The following ZFC3H1 variants were observed in gnomAD, a reference collection of about 807,000 sequenced individuals.
ZFC3H1 encodes zinc finger C3H1-type containing.
Under a neutral mutation model 243.7 loss-of-function variants are expected in ZFC3H1, and 71 were observed. The observed-to-expected ratio is 0.29, with a 90% CI of 0.24 to 0.36. The LOEUF (loss-of-function observed/expected upper bound fraction) is 0.36, where lower values mean the gene tolerates loss of function less well. Among genes scored for constraint, ZFC3H1 ranks in the 10% least tolerant of loss-of-function variants. ZFC3H1 has a pLI of 1.00. For missense variants in ZFC3H1, 1,966 were observed against 2,317.1 expected (o/e 0.85, Z 3.11); for synonymous variants, 838 against 813.0 (o/e 1.03, Z -0.52).
chr12:71,629,192 T>G (rs1880250347), intron 19 of ZFC3H1, among the ~76,000 whole-genome samples, 155 bp from the exon 20 acceptor site: 1 of 151,200 alleles, frequency 6.6e-6, no homozygotes, highest in African/African-American at 2.4e-5. Flanking sequence ...AGTCTCACTC[T>G]GTCACCCAGG....
At chr12:71,611,270 G>T in intron 32 of ZFC3H1, 173 bp from the exon 33 acceptor site, 21 of 447,796 alleles carry the variant, frequency 4.7e-5, no homozygotes, top group East Asian at 1.4e-4. Flanking sequence ...ATAGTGAAAA[G>T]AAAAATTCAA....
intron 6 of ZFC3H1, among the ~76,000 whole-genome samples, chr12:71,640,384 C>T (rs1051322279): frequency 1.3e-5 from 2 of 152,212 alleles, no homozygotes; most frequent in African/African-American, 4.8e-5. Flanking sequence ...ACAGTGTGAG[C>T]ACTGGCCAGA....
intron 18 of ZFC3H1, 89 bp downstream of exon 18, chr12:71,630,511 G>C: frequency 6.8e-7 from 1 of 1,464,244 alleles, no homozygotes; most frequent in Non-Finnish European, 9.2e-7. Context: ...ATTATAGTAA[G>C]TATTTTACAA....
At position 71,623,973 on chromosome 12, in the gene ZFC3H1, T is replaced by A. The variant is rs1050690070; in HGVS notation, c.4506+131A>T. On this transcript the variant is annotated intron_variant, in intron 23 of 34. Transcript: ENST00000378743. Reference sequence around the variant, plus strand: ...ACTTACCCAATGTCACATGACTTACTAGTAAGTGGAAAAACAAGGATTCAA... The same window carrying A: ...ACTTACCCAATGTCACATGACTTACAAGTAAGTGGAAAAACAAGGATTCAA... 3 of 912,362 alleles carry A rather than the reference T, an allele frequency of 3.3e-6. No homozygotes were observed. In the Admixed American group the frequency reaches 7.4e-5, roughly 22 times the overall value. The allele number at this position is 912,362 out of a possible 1,614,324, so 56.5% of individuals were successfully genotyped here. A position where few individuals can be genotyped will look rare whatever the true frequency, so the allele number is the denominator to read the frequency against.
intron 10 of ZFC3H1, among the ~76,000 whole-genome samples, 191 bp downstream of exon 10, chr12:71,635,252 T>A (rs1880430726): frequency 6.6e-6 from 1 of 152,216 alleles, no homozygotes; most frequent in Non-Finnish European, 1.5e-5. Flanking sequence ...TGGAAACTTT[T>A]AATAGTAAAA....
At chr12:71,615,034 T>C (rs1879860258) in intron 28 of ZFC3H1, 96 bp from the exon 29 acceptor site, 15 of 1,223,884 alleles carry the variant, frequency 1.2e-5, no homozygotes, top group Non-Finnish European at 1.8e-5. Context: ...GTTATTACAA[T>C]AGAATCCTTC....
intron 30 of ZFC3H1, 124 bp downstream of exon 30, chr12:71,614,411 T>C (rs1302808739): frequency 8.2e-6 from 7 of 857,572 alleles, no homozygotes; most frequent in Non-Finnish European, 1.0e-5. Context: ...TCAAGAATAA[T>C]AGTGAATGTT....
chr12:71,616,593 A>G (rs1217848604), intron 27 of ZFC3H1, among the ~76,000 whole-genome samples: 2 of 152,170 alleles, frequency 1.3e-5, no homozygotes, highest in Non-Finnish European at 2.9e-5. Context: ...CTTCCTTCCA[A>G]TGTATTTTAA....
At chr12:71,644,066 T>C (rs1340377276) in intron 5 of ZFC3H1, 29 bp downstream of exon 5, 1 of 1,573,220 alleles carries the variant, frequency 6.4e-7, no homozygotes, top group Admixed American at 1.7e-5. Flanking sequence ...TAGAGTAACG[T>C]TTTGATTTTA....
At position 71,626,209 on chromosome 12, in the gene ZFC3H1, TACACACACACAC is replaced by T. The variant is rs55719302; in HGVS notation, c.4317+39_4317+50del. ...ATTTTTAAGATGATCCAAATAATTATACACACACACACACACACACACACACACGTACGTTAT... is the reference window on the plus strand; with the variant it reads ...ATTTTTAAGATGATCCAAATAATTATACACACACACACACACGTACGTTAT... On this transcript the variant is annotated intron_variant, in intron 22 of 34. Coordinates refer to ENST00000378743, the MANE Select transcript of ZFC3H1 (RefSeq NM_144982.5). The T allele has an allele frequency of 2.3e-4, 248 of 1,089,558 alleles. 1 individual carries two copies. In the Middle Eastern group the frequency reaches 2.4e-3, roughly 11 times the overall value. The allele number at this position is 1,089,558 out of a possible 1,614,324, so 67.5% of individuals were successfully genotyped here.
In ZFC3H1 at chr12:71,633,294, GTTAACA is replaced by G; in HGVS notation, c.2649_2654del (p.Val884_Asn885del). 1 of 1,592,440 alleles carries G rather than the reference GTTAACA, an allele frequency of 6.3e-7. No homozygotes were observed. Among genetic ancestry groups the G allele is most frequent in the Non-Finnish European group, 8.5e-7 (1 of 1,172,664 alleles). On this transcript the variant is annotated inframe_deletion, in exon 13 of 35. Coordinates refer to ENST00000378743, the MANE Select transcript of ZFC3H1 (RefSeq NM_144982.5). ...CCTGAAGCTTCTTCAAAAACATTCT[GTTAACA>G]TTAAGAATTTTTTCAGTTGCTTGAA...
Position 71,628,974 on chromosome 12 carries a change from A to G in ZFC3H1, c.3890T>C (p.Ile1297Thr). 1.2e-6 allele frequency: 2 copies of G among 1,613,422 alleles called. No individual in the cohort carries two copies. The highest frequency in any genetic ancestry group is 4.5e-5 in the East Asian group (2 of 44,810). The change falls in exon 20 of 35, where the codon ATT becomes ACT. Residue 1297 changes from isoleucine to threonine, a missense_variant. Coordinates refer to ENST00000378743, the MANE Select transcript of ZFC3H1 (RefSeq NM_144982.5). ...KWKPKFWRKP[I>T]SDNSFSSDEE... ...ATCACTACTGAAGCTATTATCTGAAATAGGTTTTCTCCAAAACTTTGGCTT... is the reference window on the plus strand; with the variant it reads ...ATCACTACTGAAGCTATTATCTGAAGTAGGTTTTCTCCAAAACTTTGGCTT...
At chr12:71,637,317 C>T (rs1880489190) in intron 7 of ZFC3H1, among the ~76,000 whole-genome samples, 1 of 152,104 alleles carries the variant, frequency 6.6e-6, no homozygotes, top group Non-Finnish European at 1.5e-5. Context: ...ATAGAAACTT[C>T]TCTGTTCCAA....
In ZFC3H1 at chr12:71,613,366, CT is replaced by C; in HGVS notation, c.5595del (p.Val1866LeufsTer10). ...QHSKTLERFC[S>X]VMPANSGLAL... Reference sequence around the variant, plus strand: ...GCAAGTCCAGAATTAGCTGGCATAACTGAACAAAACCGTTCCAAGGTTTTGG... The same window carrying C: ...GCAAGTCCAGAATTAGCTGGCATAACGAACAAAACCGTTCCAAGGTTTTGG... On this transcript the variant is annotated frameshift_variant, in exon 31 of 35. Transcript: ENST00000378743. LOFTEE classifies it high-confidence loss of function. The C allele has an allele frequency of 6.2e-7, 1 of 1,610,458 alleles. No individual in the cohort carries two copies. The highest frequency in any genetic ancestry group is 8.5e-7 in the Non-Finnish European group (1 of 1,177,850).
chr12:71,638,766 A>C (rs1331139690), intron 6 of ZFC3H1, among the ~76,000 whole-genome samples: 1 of 152,114 alleles, frequency 6.6e-6, no homozygotes, highest in African/African-American at 2.4e-5. Context: ...TCCACTTTTA[A>C]CCTAATGATG....
chr12:71,662,088 A>G (rs992373385), intron 1 of ZFC3H1, among the ~76,000 whole-genome samples: 4 of 152,266 alleles, frequency 2.6e-5, no homozygotes. Flanking sequence ...AATTTTTGCA[A>G]TGATCACAGA....
At chr12:71,652,779 C>G (rs1880922152) in intron 2 of ZFC3H1, among the ~76,000 whole-genome samples, 1 of 152,162 alleles carries the variant, frequency 6.6e-6, no homozygotes, top group Non-Finnish European at 1.5e-5. Flanking sequence ...AGAAAGGCAT[C>G]TCCCTGAGAA....
intron 2 of ZFC3H1, among the ~76,000 whole-genome samples, chr12:71,655,163 C>A (rs913841381): frequency 6.6e-5 from 10 of 151,996 alleles, no homozygotes; most frequent in Admixed American, 2.0e-4. Context: ...ACATACTGGA[C>A]AATAAAGGAA....
intron 20 of ZFC3H1, 108 bp from the exon 21 acceptor site, chr12:71,628,042 T>C: frequency 1.9e-6 from 2 of 1,076,276 alleles, no homozygotes; most frequent in Non-Finnish European, 2.7e-6. Context: ...ACCTAAAGAT[T>C]CTAATGACAT....
Sources: allele counts gnomAD v4.1 joint callset (sites outside exome capture counted in the v4.1 genomes callset), GRCh38; gene constraint gnomAD v4.1.1; transcripts MANE v1.5; gene names NCBI Gene and HGNC (gene_info 2026-07-23, HGNC 2026-07-21).